The following FHOD3 variants were observed in gnomAD, a reference collection of about 807,000 sequenced individuals.
FHOD3 encodes formin homology 2 domain containing 3.
A neutral mutation model predicts 173.0 loss-of-function variants in FHOD3; 90 were observed. That is an observed-to-expected ratio of 0.52 (90% CI 0.44 to 0.62). The LOEUF is 0.62. Ranked by LOEUF, FHOD3 falls within the 20% of genes least tolerant of loss-of-function variation. The probability of loss-of-function intolerance (pLI) is 0.00; values close to 1 mark genes in which losing one functional copy is unlikely to be tolerated. For missense variants in FHOD3, 1,945 were observed against 2,034.7 expected (o/e 0.96, Z 0.85); for synonymous variants, 828 against 823.0 (o/e 1.01, Z -0.10).
At chr18:36,391,317 T>A (rs1026017867) in intron 3 of FHOD3, among the ~76,000 whole-genome samples, 2 of 152,134 alleles carry the variant, frequency 1.3e-5, no homozygotes, top group Non-Finnish European at 2.9e-5. Context: ...GCCATTTTTC[T>A]TAGGATTGGT....
chr18:36,724,228 T>C (rs916704240), intron 19 of FHOD3, among the ~76,000 whole-genome samples: 5 of 152,256 alleles, frequency 3.3e-5, no homozygotes, highest in Non-Finnish European at 5.9e-5. Context: ...GGTAGACTTG[T>C]GGCTCTGCAG....
At chr18:36,314,703 G>T (rs2044034355) in intron 1 of FHOD3, among the ~76,000 whole-genome samples, 1 of 152,196 alleles carries the variant, frequency 6.6e-6, no homozygotes, top group African/African-American at 2.4e-5. Flanking sequence ...CCTCATCAGG[G>T]CATCTTATAC....
chr18:36,369,603 A>G (rs1247396434), intron 2 of FHOD3, among the ~76,000 whole-genome samples: 1 of 152,040 alleles, frequency 6.6e-6, no homozygotes, highest in East Asian at 1.9e-4. Flanking sequence ...GTATATGTGT[A>G]TATATAATAT....
At chr18:36,703,199 G>C (rs1600316053) in intron 17 of FHOD3, among the ~76,000 whole-genome samples, 1 of 152,314 alleles carries the variant, frequency 6.6e-6, no homozygotes, top group East Asian at 1.9e-4. Context: ...GAGAGACCAA[G>C]GGACAGAAAC....
At chr18:36,477,141 G>T (rs1286112937) in intron 3 of FHOD3, among the ~76,000 whole-genome samples, 1 of 152,114 alleles carries the variant, frequency 6.6e-6, no homozygotes, top group Non-Finnish European at 1.5e-5. Context: ...GGACATCCAG[G>T]AGAAGGTGAG....
intron 3 of FHOD3, among the ~76,000 whole-genome samples, chr18:36,463,412 AAAAT>A (rs2052692007): frequency 7.6e-4 from 1 of 1,318 alleles, no homozygotes; most frequent in African/African-American, 5.0e-3. Context: ...TTTATTTAAA[AAAAT>A]AATATATATT....
At chr18:36,745,169 G>A (rs921850603) in intron 23 of FHOD3, among the ~76,000 whole-genome samples, 3 of 152,116 alleles carry the variant, frequency 2.0e-5, no homozygotes, top group African/African-American at 7.2e-5. Context: ...GGACCTGGTG[G>A]CCGAGAGCCT....
chr18:36,561,751 A>G (rs1295856223), intron 5 of FHOD3, among the ~76,000 whole-genome samples: 2 of 152,074 alleles, frequency 1.3e-5, no homozygotes, highest in Non-Finnish European at 2.9e-5. Flanking sequence ...TTTTCTTTGT[A>G]CACTATCAAT....
chr18:36,643,640 C>T (rs182113517), intron 10 of FHOD3, among the ~76,000 whole-genome samples: 47 of 152,134 alleles, frequency 3.1e-4, no homozygotes, highest in Non-Finnish European at 6.3e-4. Context: ...CTAATTTTAC[C>T]AAGTAGATAG....
At chr18:36,367,490 TACTTGGCGCATTCC>T (rs2046956375) in intron 2 of FHOD3, among the ~76,000 whole-genome samples, 1 of 152,154 alleles carries the variant, frequency 6.6e-6, no homozygotes, top group Non-Finnish European at 1.5e-5. Context: ...GGATTCTGGG[TACTTGGCGCATTCC>T]ACTTCATCTT....
chr18:36,701,228 T>C (rs1460927420), intron 17 of FHOD3, among the ~76,000 whole-genome samples: 1 of 152,118 alleles, frequency 6.6e-6, no homozygotes, highest in Non-Finnish European at 1.5e-5. Flanking sequence ...GAGCCATGGG[T>C]GGAGGACACA....
At chr18:36,475,340 G>C (rs933358380) in intron 3 of FHOD3, among the ~76,000 whole-genome samples, 4 of 152,054 alleles carry the variant, frequency 2.6e-5, no homozygotes, top group Non-Finnish European at 5.9e-5. Context: ...CCTGTAGTTT[G>C]GCTGCTGGCA....
chr18:36,384,280 T>C (rs997682830), intron 3 of FHOD3, among the ~76,000 whole-genome samples: 1 of 151,996 alleles, frequency 6.6e-6, no homozygotes, highest in African/African-American at 2.4e-5. Context: ...CTTGGGAGGC[T>C]GAGGCAGGAG....
chr18:36,473,795 C>G (rs1298079634), intron 3 of FHOD3, among the ~76,000 whole-genome samples: 1 of 152,202 alleles, frequency 6.6e-6, no homozygotes. Context: ...CCTTCAGGTC[C>G]CCTGTGCCAG....
intron 20 of FHOD3, among the ~76,000 whole-genome samples, chr18:36,733,494 G>A (rs954761042): frequency 1.3e-5 from 2 of 152,164 alleles, no homozygotes; most frequent in Admixed American, 6.5e-5. Flanking sequence ...TCTCCTCCTT[G>A]TCATGAGAAC....
At chr18:36,594,276 C>T (rs1212498046) in intron 6 of FHOD3, among the ~76,000 whole-genome samples, 5 of 152,022 alleles carry the variant, frequency 3.3e-5, no homozygotes, top group East Asian at 1.9e-4. Flanking sequence ...TGGCTCCAGG[C>T]GGCCTTCTCT....
rs544690270 is a variant in FHOD3, at chr18:36,526,125, G to A, written c.511+13582G>A. Reference sequence around the variant, plus strand: ...CATTGATTAATCCAGGAGATGATTTGCAGATGACTGCAGTGGGAGATCCAA... The same window carrying A: ...CATTGATTAATCCAGGAGATGATTTACAGATGACTGCAGTGGGAGATCCAA... On this transcript the variant is annotated intron_variant, in intron 5 of 28. Coordinates refer to ENST00000590592, the MANE Select transcript of FHOD3 (RefSeq NM_001281740.3). Among the ~76,000 whole-genome samples the A allele has an allele frequency of 6.8e-4, 104 of 152,342 alleles. No individual in the cohort carries two copies. In the South Asian group the frequency reaches 7.7e-3, roughly 11 times the overall value.
intron 1 of FHOD3, among the ~76,000 whole-genome samples, chr18:36,331,556 C>T (rs2045011285): frequency 1.3e-5 from 2 of 152,182 alleles, no homozygotes; most frequent in South Asian, 4.1e-4. Flanking sequence ...GAATCATTAA[C>T]CTATGCCAGA....
At chr18:36,392,987 C>A (rs1009851907) in intron 3 of FHOD3, among the ~76,000 whole-genome samples, 1 of 152,170 alleles carries the variant, frequency 6.6e-6, no homozygotes, top group Non-Finnish European at 1.5e-5. Flanking sequence ...CAACTGGAAG[C>A]AACATATATT....
Sources: gnomAD v4.1 joint callset for allele counts (sites outside exome capture counted in the v4.1 genomes callset) on GRCh38, gnomAD v4.1.1 for gene constraint, MANE v1.5 for transcripts, NCBI Gene and HGNC (gene_info 2026-07-23, HGNC 2026-07-21) for gene names.